Variants in PDE4D observed in about 807,000 individuals in gnomAD.
PDE4D encodes phosphodiesterase 4D.
A neutral mutation model predicts 87.4 loss-of-function variants in PDE4D; 24 were observed. That is an observed-to-expected ratio of 0.27 (90% CI 0.20 to 0.39). PDE4D has a LOEUF of 0.39. PDE4D is among the 10% of genes least tolerant of loss of function. The pLI is 1.00. For missense variants in PDE4D, 714 were observed against 1,041.0 expected, an observed-to-expected ratio of 0.69 and a Z score of 4.32; for synonymous variants, 384 against 383.2, an observed-to-expected ratio of 1.00 and a Z score of -0.02.
At chr5:59,330,307 A>C (rs1776482885) in intron 1 of PDE4D, among the ~76,000 whole-genome samples, 1 of 152,164 alleles carries the variant, frequency 6.6e-6, no homozygotes, top group East Asian at 1.9e-4. Flanking sequence ...TATATAGTTG[A>C]AGCCAACTTT....
chr5:60,272,742 T>C (rs1750944124), intron 1 of PDE4D, among the ~76,000 whole-genome samples: 1 of 152,194 alleles, frequency 6.6e-6, no homozygotes, highest in Non-Finnish European at 1.5e-5. Context: ...GCTGCAAGGA[T>C]ATAAAGAATT....
At chr5:60,184,241 CTTTACACAT>C (rs1054885145) in intron 2 of PDE4D, among the ~76,000 whole-genome samples, 7 of 151,798 alleles carry the variant, frequency 4.6e-5, no homozygotes, top group African/African-American at 1.7e-4. Context: ...TCCCTTTTGC[CTTTACACAT>C]TTTTTTTTCA....
chr5:59,205,653 A>AACACACACACACACAC (rs35509503), intron 2 of PDE4D, among the ~76,000 whole-genome samples: 24 of 136,408 alleles, frequency 1.8e-4, no homozygotes, highest in East Asian at 8.6e-4. Context: ...CCACTAGCTA[A>AACACACACACACACAC]ACACACACAC....
At chr5:60,193,809 A>G (rs1740862703) in intron 1 of PDE4D, among the ~76,000 whole-genome samples, 1 of 151,436 alleles carries the variant, frequency 6.6e-6, no homozygotes, top group African/African-American at 2.4e-5. Flanking sequence ...CCAGCTTTGT[A>G]CCCTTTCAAC....
intron 6 of PDE4D, among the ~76,000 whole-genome samples, chr5:59,005,725 A>G (rs1285300600): frequency 6.6e-6 from 1 of 152,240 alleles, no homozygotes; most frequent in Non-Finnish European, 1.5e-5. Flanking sequence ...CTGATAAGAT[A>G]AATATTATCC....
chr5:59,768,800 T>C (rs1763142026), intron 1 of PDE4D, among the ~76,000 whole-genome samples: 1 of 152,212 alleles, frequency 6.6e-6, no homozygotes, highest in South Asian at 2.1e-4. Context: ...CGCACGGCTT[T>C]GTCCGTGCTA....
chr5:60,519,121 G>C (rs1200172703), intron 1 of PDE4D, among the ~76,000 whole-genome samples: 2 of 152,174 alleles, frequency 1.3e-5, no homozygotes, highest in African/African-American at 2.4e-5. Context: ...GAGACAGAGG[G>C]CTAGCTATTA....
At chr5:59,197,154 A>G (rs1026828508) in intron 2 of PDE4D, among the ~76,000 whole-genome samples, 2 of 152,034 alleles carry the variant, frequency 1.3e-5, no homozygotes, top group Admixed American at 6.5e-5. Context: ...AATTTTTTAT[A>G]TAGATTGCAG....
chr5:60,176,803 C>T (rs1783938979), intron 2 of PDE4D, among the ~76,000 whole-genome samples: 1 of 152,134 alleles, frequency 6.6e-6, no homozygotes, highest in South Asian at 2.1e-4. Context: ...AATGCCTTTG[C>T]ATAACGCTGT....
At chr5:60,031,546 C>T (rs1767247482) in intron 2 of PDE4D, among the ~76,000 whole-genome samples, 1 of 152,198 alleles carries the variant, frequency 6.6e-6, no homozygotes, top group African/African-American at 2.4e-5. Context: ...CCCTTTAAAT[C>T]TGTATTTGAA....
intron 1 of PDE4D, among the ~76,000 whole-genome samples, chr5:60,359,853 G>A (rs4580739): frequency 0.35 from 52,667 of 151,906 alleles, 9,671 homozygotes; most frequent in South Asian, 0.54. Flanking sequence ...CAAAACACAC[G>A]CCTTCTCCCA....
intron 1 of PDE4D, among the ~76,000 whole-genome samples, chr5:59,486,623 T>C (rs999635660): frequency 3.9e-5 from 6 of 152,156 alleles, no homozygotes; most frequent in African/African-American, 1.4e-4. Flanking sequence ...GGTGAAGAAA[T>C]GTAGACCCAT....
intron 1 of PDE4D, among the ~76,000 whole-genome samples, chr5:59,247,162 A>T (rs1759007479): frequency 6.6e-6 from 1 of 152,042 alleles, no homozygotes; most frequent in Non-Finnish European, 1.5e-5. Flanking sequence ...CATGAAACTA[A>T]GTCAGTTAGT....
At chr5:59,710,240 A>G (rs1393353510) in intron 1 of PDE4D, among the ~76,000 whole-genome samples, 1 of 152,198 alleles carries the variant, frequency 6.6e-6, no homozygotes. Context: ...AGTTTTATAC[A>G]TGAAAGGCCA....
intron 1 of PDE4D, among the ~76,000 whole-genome samples, chr5:60,417,017 A>C (rs1742659812): frequency 6.6e-6 from 1 of 152,230 alleles, no homozygotes. Flanking sequence ...TAATTAATCA[A>C]ACATCCAATT....
At chr5:58,989,231 G>C (rs536886044) in intron 10 of PDE4D, among the ~76,000 whole-genome samples, 4 of 152,124 alleles carry the variant, frequency 2.6e-5, no homozygotes, top group South Asian at 4.2e-4. Flanking sequence ...TCACCCATAT[G>C]ATGAGGTATT....
chr5:59,563,311 G>C (rs958281205), intron 1 of PDE4D, among the ~76,000 whole-genome samples: 2 of 152,218 alleles, frequency 1.3e-5, no homozygotes, highest in Non-Finnish European at 2.9e-5. Flanking sequence ...AGTTAACCCA[G>C]GGTTGAAGCA....
intron 2 of PDE4D, among the ~76,000 whole-genome samples, chr5:59,200,084 C>T (rs916540034): frequency 4.8e-5 from 7 of 145,138 alleles, no homozygotes; most frequent in African/African-American, 1.9e-4. Context: ...TGCACACATA[C>T]ATGTATGTAG....
intron 1 of PDE4D, chr5:59,768,198 C>T (rs745890385): frequency 6.3e-7 from 1 of 1,588,134 alleles, no homozygotes; most frequent in Non-Finnish European, 8.5e-7. Flanking sequence ...GAGCAGGACT[C>T]CCTGAAGGGA....
Sources: allele counts gnomAD v4.1 joint callset (sites outside exome capture counted in the v4.1 genomes callset), GRCh38; gene constraint gnomAD v4.1.1; transcripts MANE v1.5; gene names NCBI Gene and HGNC (gene_info 2026-07-23, HGNC 2026-07-21).